CDH18: variants seen among roughly 807,000 people sequenced by gnomAD.
CDH18 encodes the protein cadherin-18.
A neutral mutation model predicts 67.9 loss-of-function variants in CDH18; 31 were observed. The observed-to-expected ratio is 0.46, with a 90% confidence interval of 0.34 to 0.62. The LOEUF is 0.62. Ranked by LOEUF, CDH18 falls within the 20% of genes least tolerant of loss-of-function variation. The pLI is 0.01. For missense variants in CDH18, 890 were observed against 975.5 expected, an observed-to-expected ratio of 0.91 and a Z score of 1.17; for synonymous variants, 362 against 347.2, an observed-to-expected ratio of 1.04 and a Z score of -0.48.
At chr5:19,960,626 CGTGTATATGTATACATAT>C (rs1561635904) in intron 2 of CDH18, among the ~76,000 whole-genome samples, 1 of 100,960 alleles carries the variant, frequency 9.9e-6, no homozygotes, top group Non-Finnish European at 1.7e-5. Context: ...TATATATACA[CGTGTATATGTATACATAT>C]ACACGTGTAT....
intron 8 of CDH18, among the ~76,000 whole-genome samples, chr5:19,553,754 A>G (rs776521128): frequency 6.6e-5 from 10 of 150,582 alleles, no homozygotes; most frequent in Non-Finnish European, 1.3e-4. Context: ...GATCCTCCCA[A>G]CTCAGCCTCT....
intron 8 of CDH18, among the ~76,000 whole-genome samples, chr5:19,553,217 G>C (rs1737778389): frequency 6.6e-6 from 1 of 151,998 alleles, no homozygotes; most frequent in Non-Finnish European, 1.5e-5. Context: ...TATTAGAAAT[G>C]TTATTTTTCA....
chr5:20,095,593 AAAG>A (rs1479467883), intron 2 of CDH18, among the ~76,000 whole-genome samples: 4 of 148,998 alleles, frequency 2.7e-5, no homozygotes, highest in Admixed American at 6.7e-5. Context: ...AGAAAGGAAG[AAAG>A]AAGAAAGAAA....
chr5:19,636,132 A>T (rs1220929566), intron 5 of CDH18, among the ~76,000 whole-genome samples: 1 of 152,162 alleles, frequency 6.6e-6, no homozygotes, highest in East Asian at 1.9e-4. Flanking sequence ...TAGGACAATA[A>T]ATGATACAGA....
rs1436673465 is a variant in CDH18, at chr5:19,593,696, T to TTCCTCCTCC, written c.812-2461_812-2453dup. Among the ~76,000 whole-genome samples the TTCCTCCTCC allele has an allele frequency of 8.3e-3, 139 of 16,848 alleles. 4 individuals carry two copies. Among genetic ancestry groups the TTCCTCCTCC allele is most frequent in the African/African-American group, 0.014 (132 of 9,428 alleles). The allele number at this position is 16,848 out of a possible 152,430, so 11.1% of individuals were successfully genotyped here. ...CTTCTTCCTCCTCCTTCTCTTCCTC[T>TTCCTCCTCC]TCCTCCTCCTCCTTCTTCTTCTTCT... On this transcript the variant is annotated intron_variant, in intron 6 of 12. Coordinates refer to ENST00000382275, the MANE Select transcript of CDH18 (RefSeq NM_004934.5).
chr5:20,338,019 A>G (rs138527843), intron 1 of CDH18, among the ~76,000 whole-genome samples: 35 of 152,326 alleles, frequency 2.3e-4, no homozygotes, highest in African/African-American at 8.4e-4. Flanking sequence ...TAATACTATC[A>G]GATCTTGTGA....
intron 1 of CDH18, among the ~76,000 whole-genome samples, chr5:20,393,787 A>G (rs1481649938): frequency 6.6e-6 from 1 of 151,994 alleles, no homozygotes; most frequent in South Asian, 2.1e-4. Context: ...TGCAAAAAAT[A>G]CAATACAATA....
chr5:20,349,689 G>C (rs1429600405), intron 1 of CDH18, among the ~76,000 whole-genome samples: 2 of 152,008 alleles, frequency 1.3e-5, no homozygotes, highest in Admixed American at 1.3e-4. Flanking sequence ...TCAGTTTAAT[G>C]AATGTTATTT....
At chr5:20,381,566 A>C (rs949541635) in intron 1 of CDH18, among the ~76,000 whole-genome samples, 3 of 152,150 alleles carry the variant, frequency 2.0e-5, no homozygotes, top group African/African-American at 7.2e-5. Flanking sequence ...CCCTAAAACA[A>C]GGAAGGCATT....
intron 3 of CDH18, among the ~76,000 whole-genome samples, chr5:19,757,557 G>A (rs1771772961): frequency 2.6e-5 from 4 of 152,132 alleles, no homozygotes; most frequent in African/African-American, 4.8e-5. Flanking sequence ...GCGGCTGAGT[G>A]GTATCCACAG....
chr5:20,463,647 G>T lies in CDH18; in HGVS notation c.-580+111815C>A, dbSNP rs957745602. Among the ~76,000 whole-genome samples the T allele has an allele frequency of 2.6e-5, 4 of 152,240 alleles. No individual in the cohort carries two copies. In the South Asian group the frequency reaches 8.3e-4, roughly 32 times the overall value. On this transcript the variant is annotated intron_variant, in intron 1 of 14. Coordinates refer to the CDH18 transcript ENST00000507958. ...ACCATGATTCAATTACCTCTACAGG[G>T]TCTTTCCCACAACACATGAGGACAA...
intron 1 of CDH18, among the ~76,000 whole-genome samples, chr5:20,571,041 T>C (rs1276060110): frequency 1.5e-4 from 23 of 152,120 alleles, no homozygotes; most frequent in Admixed American, 1.5e-3. Context: ...AGTCCTCTTG[T>C]TTCCTTACAA....
intron 5 of CDH18, among the ~76,000 whole-genome samples, chr5:19,642,427 T>C (rs1169993397): frequency 6.6e-6 from 1 of 152,048 alleles, no homozygotes; most frequent in Non-Finnish European, 1.5e-5. Context: ...TTTCAAAATA[T>C]ATTTCAAAGC....
At chr5:20,021,120 T>TG (rs1738380899) in intron 2 of CDH18, among the ~76,000 whole-genome samples, 1 of 152,068 alleles carries the variant, frequency 6.6e-6, no homozygotes, top group African/African-American at 2.4e-5. Flanking sequence ...GGGAATTGCA[T>TG]GGGGGCTTGT....
chr5:20,196,905 C>G (rs976458326), intron 2 of CDH18, among the ~76,000 whole-genome samples: 5 of 152,108 alleles, frequency 3.3e-5, no homozygotes, highest in African/African-American at 1.2e-4. Context: ...TTTGAAGAAC[C>G]TGGTTTTGTA....
intron 6 of CDH18, among the ~76,000 whole-genome samples, chr5:19,610,929 G>T (rs910787457): frequency 2.0e-5 from 3 of 151,942 alleles, no homozygotes; most frequent in African/African-American, 7.3e-5. Context: ...AATGCACCAG[G>T]TAACATTATC....
At chr5:19,991,734 T>C (rs1304048311), upstream of CDH18, 1 of 152,258 alleles carries the variant, frequency 6.6e-6, no homozygotes, top group African/African-American at 2.4e-5. Flanking sequence ...ACAGGTGCGG[T>C]GGCTCATGCC....
chr5:19,834,077 A>C (rs528641414), intron 3 of CDH18, among the ~76,000 whole-genome samples: 1 of 151,734 alleles, frequency 6.6e-6, no homozygotes, highest in East Asian at 1.9e-4. Context: ...TGTTTGGAAT[A>C]GTTTCAGAAG....
intron 2 of CDH18, among the ~76,000 whole-genome samples, chr5:20,152,235 T>G (rs1323137178): frequency 6.9e-6 from 1 of 145,454 alleles, no homozygotes; most frequent in Non-Finnish European, 1.5e-5. Context: ...ATGTAATATA[T>G]AATTATATAT....
Sources: gnomAD v4.1 joint callset for allele counts (sites outside exome capture counted in the v4.1 genomes callset) on GRCh38, gnomAD v4.1.1 for gene constraint, MANE v1.5 for transcripts, NCBI Gene and HGNC (gene_info 2026-07-23, HGNC 2026-07-21) for gene names.